Variants in TAB2 observed in about 807,000 individuals in gnomAD.
TAB2 encodes TGF-beta activated kinase 1 (MAP3K7) binding protein 2, also known as TGF-beta-activated kinase 1 and MAP3K7-binding protein 2.
A neutral mutation model predicts 65.0 loss-of-function variants in TAB2; 3 were observed. The ratio of observed to expected loss-of-function variants is 0.05; its 90% CI spans 0.02 to 0.12. TAB2 has a LOEUF of 0.12. Among genes scored for constraint, TAB2 ranks in the 10% least tolerant of loss-of-function variants. TAB2 has a pLI of 1.00. For synonymous variants in TAB2, 298 were observed against 285.1 expected (o/e 1.05, Z -0.46); for missense variants, 623 against 840.3 (o/e 0.74, Z 3.20).
intron 3 of TAB2, among the ~76,000 whole-genome samples, chr6:149,391,236 G>A (rs543583582): frequency 6.6e-6 from 1 of 152,060 alleles, no homozygotes; most frequent in South Asian, 2.1e-4. Flanking sequence ...TTGTACCTTT[G>A]TATGTAATCT....
intron 3 of TAB2, among the ~76,000 whole-genome samples, chr6:149,394,968 T>G (rs1033385155): frequency 2.0e-5 from 3 of 152,276 alleles, no homozygotes; most frequent in Non-Finnish European, 4.4e-5. Context: ...AGCAAGGCTG[T>G]ATCCAATAAA....
chr6:149,274,873 A>G (rs6570958), intron 1 of TAB2, among the ~76,000 whole-genome samples: 75,788 of 151,878 alleles, frequency 0.5, 19,909 homozygotes, highest in East Asian at 0.7. Flanking sequence ...CTACGACTAT[A>G]GGCATCTCTG....
At chr6:149,375,053 AATTG>A (rs1320996430) in intron 2 of TAB2, among the ~76,000 whole-genome samples, 1 of 152,220 alleles carries the variant, frequency 6.6e-6, no homozygotes, top group Non-Finnish European at 1.5e-5. Flanking sequence ...TGATGCTAAG[AATTG>A]ATTATTTTAA....
intron 1 of TAB2, among the ~76,000 whole-genome samples, chr6:149,248,625 T>C (rs1777790387): frequency 1.3e-5 from 2 of 152,162 alleles, no homozygotes; most frequent in Admixed American, 1.3e-4. Flanking sequence ...TGTATGCACT[T>C]GGTCATTTAC....
intron 3 of TAB2, among the ~76,000 whole-genome samples, chr6:149,383,481 G>A (rs1347293882): frequency 6.6e-6 from 1 of 152,128 alleles, no homozygotes; most frequent in Non-Finnish European, 1.5e-5. Context: ...CATTATCTGT[G>A]TGTGCACACT....
chr6:149,352,116 A>T lies in TAB2; in HGVS notation c.-89-17793A>T, dbSNP rs760450123. Reference sequence around the variant, plus strand: ...TTATGTAAATTGAGTAGTTTATGTGAGATACATTACTAGTTATTCCTTTTA... The same window carrying T: ...TTATGTAAATTGAGTAGTTTATGTGTGATACATTACTAGTTATTCCTTTTA... On this transcript the variant is annotated intron_variant, in intron 1 of 6. Coordinates refer to ENST00000637181, the MANE Select transcript of TAB2 (RefSeq NM_001292034.3). Among the ~76,000 whole-genome samples the T allele has an allele frequency of 9.2e-5, 14 of 152,300 alleles. No individual in the cohort carries two copies. In the South Asian group the frequency reaches 1.0e-3, roughly 11 times the overall value.
intron 6 of TAB2, chr6:149,400,550 G>A: frequency 6.2e-7 from 1 of 1,614,236 alleles, no homozygotes; most frequent in Non-Finnish European, 8.5e-7. Flanking sequence ...CACGGGGATT[G>A]TCAGTGAAGC....
intron 6 of TAB2, among the ~76,000 whole-genome samples, chr6:149,404,647 T>A (rs534860216): frequency 6.6e-6 from 1 of 152,232 alleles, no homozygotes; most frequent in East Asian, 1.9e-4. Context: ...GGTCAACTTA[T>A]CTTTGACAAG....
chr6:149,305,496 C>T (rs1779048660), intron 1 of TAB2, among the ~76,000 whole-genome samples: 1 of 152,088 alleles, frequency 6.6e-6, no homozygotes, highest in South Asian at 2.1e-4. Flanking sequence ...CTCCTAATTA[C>T]TTCCTTATCT....
intron 1 of TAB2, among the ~76,000 whole-genome samples, chr6:149,302,682 A>G (rs906363389): frequency 6.6e-6 from 1 of 152,188 alleles, no homozygotes; most frequent in Non-Finnish European, 1.5e-5. Context: ...TCTGCACTAC[A>G]TGGCAGTCTA....
intron 1 of TAB2, among the ~76,000 whole-genome samples, chr6:149,327,868 T>A (rs1481176628): frequency 6.6e-6 from 1 of 152,252 alleles, no homozygotes; most frequent in Non-Finnish European, 1.5e-5. Flanking sequence ...CATTGACACG[T>A]GTTGAATGCC....
chr6:149,365,833 A>T (rs1260317746), intron 1 of TAB2, among the ~76,000 whole-genome samples: 1 of 151,664 alleles, frequency 6.6e-6, no homozygotes, highest in Non-Finnish European at 1.5e-5. Context: ...CATCCTTCAG[A>T]TTGGATAATT....
At chr6:149,397,575 G>A (rs748214303) in intron 3 of TAB2, 29 bp from the exon 4 acceptor site, 7 of 1,613,090 alleles carry the variant, frequency 4.3e-6, no homozygotes, top group African/African-American at 1.3e-5. Flanking sequence ...AAGTGGGTGG[G>A]TCCTCATGTT....
At chr6:149,396,507 TA>T (rs764012577) in intron 3 of TAB2, among the ~76,000 whole-genome samples, 2 of 152,244 alleles carry the variant, frequency 1.3e-5, no homozygotes, top group Non-Finnish European at 2.9e-5. Flanking sequence ...AGAGGTTGTT[TA>T]AAGTTCTTTT....
chr6:149,249,135 T>TACAC (rs58230516), intron 1 of TAB2, among the ~76,000 whole-genome samples: 47 of 135,786 alleles, frequency 3.5e-4, no homozygotes, highest in Admixed American at 1.3e-3. Flanking sequence ...CACACACACA[T>TACAC]ACACACACAC....
At chr6:149,395,371 A>T (rs1282594976) in intron 3 of TAB2, among the ~76,000 whole-genome samples, 1 of 151,926 alleles carries the variant, frequency 6.6e-6, no homozygotes, top group African/African-American at 2.4e-5. Context: ...TTTGTTTTGT[A>T]TTTCTTTCCT....
At chr6:149,241,906 C>A (rs1777604893) in intron 1 of TAB2, among the ~76,000 whole-genome samples, 1 of 152,158 alleles carries the variant, frequency 6.6e-6, no homozygotes, top group South Asian at 2.1e-4. Context: ...GCCCGTGCCT[C>A]CTCTCTCTGC....
chr6:149,266,328 C>T (rs972618799), intron 1 of TAB2, among the ~76,000 whole-genome samples: 4 of 152,122 alleles, frequency 2.6e-5, no homozygotes, highest in Admixed American at 1.3e-4. Flanking sequence ...AAGTTGTCCT[C>T]GCCAGTGAAC....
intron 1 of TAB2, among the ~76,000 whole-genome samples, chr6:149,269,179 G>T (rs1778316880): frequency 6.6e-6 from 1 of 152,190 alleles, no homozygotes; most frequent in Non-Finnish European, 1.5e-5. Context: ...CTAAATAAAA[G>T]CTGTTTCATT....
Sources: allele counts gnomAD v4.1 joint callset (sites outside exome capture counted in the v4.1 genomes callset), GRCh38; gene constraint gnomAD v4.1.1; transcripts MANE v1.5; gene names NCBI Gene and HGNC (gene_info 2026-07-23, HGNC 2026-07-21).